The following GALNT13 variants were observed in gnomAD, a reference collection of about 807,000 sequenced individuals.
The protein encoded by GALNT13 is polypeptide N-acetylgalactosaminyltransferase 13.
In GALNT13, 28 loss-of-function variants were observed where a neutral mutation model predicts 64.2. The observed-to-expected ratio is 0.44, with a 90% confidence interval of 0.32 to 0.60. The LOEUF (loss-of-function observed/expected upper bound fraction) is 0.60. Ranked by LOEUF, GALNT13 falls within the 20% of genes least tolerant of loss-of-function variation. The probability of loss-of-function intolerance (pLI) is 0.05; values close to 1 mark genes in which losing one functional copy is unlikely to be tolerated. For synonymous variants in GALNT13, 214 were observed against 224.6 expected, an observed-to-expected ratio of 0.95 and a Z score of 0.42; for missense variants, 577 against 669.8, an observed-to-expected ratio of 0.86 and a Z score of 1.53.
At chr2:153,615,879 C>G in the GALNT13 span, among the ~76,000 whole-genome samples, 9 of 151,950 alleles carry the variant, frequency 5.9e-5, no homozygotes, top group Non-Finnish European at 1.2e-4. Context: ...TTCTCCCATT[C>G]TATGGGTTGT....
the GALNT13 span, among the ~76,000 whole-genome samples, chr2:153,110,268 T>C: frequency 1.3e-5 from 2 of 152,126 alleles, no homozygotes; most frequent in South Asian, 4.1e-4. Context: ...CCACATACTG[T>C]CACTGATAGC....
the GALNT13 span, among the ~76,000 whole-genome samples, chr2:153,769,075 G>A: frequency 3.9e-5 from 6 of 152,160 alleles, no homozygotes; most frequent in Non-Finnish European, 8.8e-5. Flanking sequence ...TTTGTTAGGA[G>A]TATTGAGGCC....
rs561247984 is a variant in GALNT13 at position 154,087,146 on chromosome 2, C to T, written c.143-53191C>T. ...AAGAAAGGCATTTCTAACAATGTTA[C>T]GTATAACATATTTTTGTTCTTCTGA... is the stretch of plus-strand genomic sequence containing the variant. On this transcript the variant is annotated intron_variant, in intron 3 of 12. Coordinates refer to ENST00000392825, the MANE Select transcript of GALNT13 (RefSeq NM_052917.4). Among the ~76,000 whole-genome samples, 6 of 151,810 alleles carry T rather than the reference C, an allele frequency of 4.0e-5. No individual in the cohort carries two copies. The South Asian group carries it at 6.2e-4, about 16-fold the overall frequency.
chr2:153,210,253 C>A, the GALNT13 span, among the ~76,000 whole-genome samples: 1 of 152,042 alleles, frequency 6.6e-6, no homozygotes, highest in Non-Finnish European at 1.5e-5. Flanking sequence ...TGCTTTGCTT[C>A]CAGTCTTAAG....
chr2:154,053,154 A>T (rs1268518907), intron 3 of GALNT13, among the ~76,000 whole-genome samples: 1 of 152,228 alleles, frequency 6.6e-6, no homozygotes, highest in Non-Finnish European at 1.5e-5. Flanking sequence ...AAGATATCTG[A>T]CAAACAACTT....
the GALNT13 span, among the ~76,000 whole-genome samples, chr2:153,843,166 G>A: frequency 6.6e-6 from 1 of 152,174 alleles, no homozygotes; most frequent in Non-Finnish European, 1.5e-5. Context: ...AATTTATAAT[G>A]AAAAGAGCTA....
the GALNT13 span, among the ~76,000 whole-genome samples, chr2:153,319,907 G>T: frequency 3.3e-5 from 5 of 152,044 alleles, no homozygotes; most frequent in Non-Finnish European, 5.9e-5. Context: ...TACTTGCAGA[G>T]AAAAATACTG....
intron 7 of GALNT13, among the ~76,000 whole-genome samples, chr2:154,253,451 TGA>T (rs1341578483): frequency 7.9e-5 from 12 of 152,216 alleles, no homozygotes; most frequent in African/African-American, 2.9e-4. Flanking sequence ...CATACTTTTT[TGA>T]GACTTTTACT....
At chr2:153,870,781 G>A (rs1685871545), upstream of GALNT13, among the ~76,000 whole-genome samples, 1 of 150,784 alleles carries the variant, frequency 6.6e-6, no homozygotes, top group South Asian at 2.1e-4. Flanking sequence ...AAACGTGGCT[G>A]TTTAATATTT....
the GALNT13 span, among the ~76,000 whole-genome samples, chr2:153,845,432 C>T: frequency 2.6e-5 from 4 of 152,064 alleles, no homozygotes; most frequent in African/African-American, 7.2e-5. Context: ...GGGAAGGTAC[C>T]GCACTCTTTT....
intron 4 of GALNT13, among the ~76,000 whole-genome samples, chr2:154,196,614 T>A (rs1389580733): frequency 6.6e-6 from 1 of 152,290 alleles, no homozygotes; most frequent in African/African-American, 2.4e-5. Context: ...ATCATTAATA[T>A]GTATTTGAAA....
chr2:154,203,732 A>G (rs545881211), intron 4 of GALNT13, among the ~76,000 whole-genome samples: 1 of 152,134 alleles, frequency 6.6e-6, no homozygotes, highest in South Asian at 2.1e-4. Flanking sequence ...CACACCCTCA[A>G]TTTCCACTAC....
intron 9 of GALNT13, among the ~76,000 whole-genome samples, chr2:154,395,223 A>T (rs1246459311): frequency 6.6e-6 from 1 of 152,218 alleles, no homozygotes; most frequent in Non-Finnish European, 1.5e-5. Context: ...AATATTGAGC[A>T]AACCAAGTTG....
At chr2:153,796,638 C>CA in the GALNT13 span, among the ~76,000 whole-genome samples, 1 of 151,878 alleles carries the variant, frequency 6.6e-6, no homozygotes, top group East Asian at 1.9e-4. Context: ...TACATGTATC[C>CA]AAAAAAATTA....
At chr2:153,698,424 A>G in the GALNT13 span, among the ~76,000 whole-genome samples, 8 of 152,142 alleles carry the variant, frequency 5.3e-5, no homozygotes, top group East Asian at 1.5e-3. Context: ...AATAGAAAGA[A>G]AAAAAAGGCG....
At chr2:153,821,661 A>C in the GALNT13 span, among the ~76,000 whole-genome samples, 12 of 152,322 alleles carry the variant, frequency 7.9e-5, no homozygotes, top group African/African-American at 2.9e-4. Flanking sequence ...ATCTAACATT[A>C]TACCTAGAAG....
intron 3 of GALNT13, among the ~76,000 whole-genome samples, chr2:154,043,267 A>G (rs2105330674): frequency 6.6e-6 from 1 of 151,882 alleles, no homozygotes; most frequent in Admixed American, 6.6e-5. Flanking sequence ...CGGAAAGCAA[A>G]ATGTATACAG....
chr2:153,966,040 T>C (rs1175002457), intron 3 of GALNT13, among the ~76,000 whole-genome samples: 1 of 152,022 alleles, frequency 6.6e-6, no homozygotes, highest in South Asian at 2.1e-4. Context: ...GTGAGTTTTA[T>C]ACTTTCATAT....
the GALNT13 span, among the ~76,000 whole-genome samples, chr2:153,508,862 TC>T: frequency 6.6e-6 from 1 of 151,956 alleles, no homozygotes; most frequent in Non-Finnish European, 1.5e-5. Flanking sequence ...TCTGCCATCT[TC>T]CCCCCTATAA....
Sources: gnomAD v4.1 joint callset for allele counts (sites outside exome capture counted in the v4.1 genomes callset) on GRCh38, gnomAD v4.1.1 for gene constraint, MANE v1.5 for transcripts, NCBI Gene and HGNC (gene_info 2026-07-23, HGNC 2026-07-21) for gene names.